ACYP2: variants seen among roughly 807,000 people sequenced by gnomAD.
The protein encoded by ACYP2 is acylphosphatase-2.
A neutral mutation model predicts 11.2 loss-of-function variants in ACYP2; 12 were observed. The observed-to-expected ratio is 1.08, with a 90% CI of 0.69 to 1.74. ACYP2 has a LOEUF of 1.74. Among genes scored for constraint, ACYP2 ranks in the 40% most tolerant of loss-of-function variants. The probability of loss-of-function intolerance (pLI) is 0.00; values close to 1 mark genes in which losing one functional copy is unlikely to be tolerated. For missense variants in ACYP2, 134 were observed against 101.9 expected (o/e 1.31, Z -1.35); for synonymous variants, 43 against 32.2 (o/e 1.33, Z -1.13).
At chr2:53,989,217 C>T (rs1202365019) in intron 2 of ACYP2, among the ~76,000 whole-genome samples, 2 of 151,620 alleles carry the variant, frequency 1.3e-5, no homozygotes, top group Non-Finnish European at 2.9e-5. Context: ...CTACTGTGAG[C>T]CAATACTTAA....
intron 2 of ACYP2, among the ~76,000 whole-genome samples, chr2:54,003,859 C>T (rs917162824): frequency 1.3e-5 from 2 of 152,198 alleles, no homozygotes. Context: ...CTACTAGCAA[C>T]AATGAGAGTT....
intron 6 of ACYP2, among the ~76,000 whole-genome samples, chr2:54,281,177 C>G (rs545521943): frequency 1.3e-5 from 2 of 152,328 alleles, no homozygotes; most frequent in African/African-American, 4.8e-5. Context: ...TACCTTGACT[C>G]AATATCTGAT....
chr2:54,097,749 T>C (rs1020193452), intron 4 of ACYP2, among the ~76,000 whole-genome samples: 1 of 152,102 alleles, frequency 6.6e-6, no homozygotes, highest in Non-Finnish European at 1.5e-5. Flanking sequence ...CATGTTATTT[T>C]AGCTAGAAAT....
intron 6 of ACYP2, among the ~76,000 whole-genome samples, chr2:54,200,408 G>A (rs1684704821): frequency 6.6e-6 from 1 of 152,132 alleles, no homozygotes; most frequent in Non-Finnish European, 1.5e-5. Flanking sequence ...CCCATTGGCA[G>A]TCACTCCCTA....
chr2:54,173,272 T>A, intron 6 of ACYP2, among the ~76,000 whole-genome samples: 1 of 152,272 alleles, frequency 6.6e-6, no homozygotes, highest in African/African-American at 2.4e-5. Context: ...ATTGTGGTTT[T>A]GATTTGCATT....
intron 6 of ACYP2, among the ~76,000 whole-genome samples, chr2:54,212,090 G>A (rs1685350733): frequency 6.6e-6 from 1 of 152,230 alleles, no homozygotes; most frequent in South Asian, 2.1e-4. Flanking sequence ...TATACTAGTA[G>A]TGGTGATGGC....
chr2:54,159,916 G>A (rs1262497593), intron 6 of ACYP2, among the ~76,000 whole-genome samples: 6 of 152,046 alleles, frequency 3.9e-5, no homozygotes, highest in Admixed American at 3.9e-4. Flanking sequence ...TTGTCTCCAC[G>A]CCTTGCTGAT....
intron 4 of ACYP2, among the ~76,000 whole-genome samples, chr2:54,095,463 G>A (rs1196287302): frequency 1.1e-3 from 170 of 152,008 alleles, no homozygotes; most frequent in African/African-American, 3.6e-3. Flanking sequence ...AGGGGCGGCC[G>A]GGCAGAGGCG....
At chr2:54,036,835 G>T (rs1381145405) in intron 2 of ACYP2, among the ~76,000 whole-genome samples, 2 of 152,068 alleles carry the variant, frequency 1.3e-5, no homozygotes, top group Non-Finnish European at 2.9e-5. Flanking sequence ...ACTGTTTCTG[G>T]ACCATATCCT....
chr2:54,090,606 G>A, intron 4 of ACYP2, among the ~76,000 whole-genome samples: 1 of 152,202 alleles, frequency 6.6e-6, no homozygotes, highest in East Asian at 1.9e-4. Flanking sequence ...GCTCCAGTCT[G>A]GGCAACAGAG....
At chr2:54,135,887 C>T (rs980929735) in intron 5 of ACYP2, among the ~76,000 whole-genome samples, 3 of 152,086 alleles carry the variant, frequency 2.0e-5, no homozygotes, top group Admixed American at 6.6e-5. Flanking sequence ...AGCGCCACGT[C>T]GTGTTTTAAA....
At chr2:54,258,266 G>A (rs2104033948) in intron 6 of ACYP2, among the ~76,000 whole-genome samples, 1 of 152,320 alleles carries the variant, frequency 6.6e-6, no homozygotes, top group African/African-American at 2.4e-5. Flanking sequence ...AGGGTGGTCA[G>A]AGGAAGCCTC....
rs1225823577 is a variant in ACYP2, at chr2:54,216,796, C to T, written c.404+78048C>T. Among the ~76,000 whole-genome samples, 9 of 152,344 alleles carry T rather than the reference C, an allele frequency of 5.9e-5. No individual in the cohort carries two copies. In the East Asian group the frequency reaches 1.7e-3, roughly 29 times the overall value. ...AAGTGATCCACCCGCCTTGGCCTTC[C>T]AAAGTGCTGGAATTACAAGCGTGAG... On this transcript the variant is annotated intron_variant, in intron 6 of 6. Coordinates refer to ENST00000607452, the MANE Select transcript of ACYP2 (RefSeq NM_001320586.2).
chr2:54,100,119 T>C (rs905993732), intron 4 of ACYP2, among the ~76,000 whole-genome samples: 1 of 151,650 alleles, frequency 6.6e-6, no homozygotes, highest in Non-Finnish European at 1.5e-5. Flanking sequence ...TAGTCTTCTG[T>C]AGTTTGTGAA....
chr2:54,070,080 G>A (rs1676952765), intron 4 of ACYP2, among the ~76,000 whole-genome samples: 1 of 152,160 alleles, frequency 6.6e-6, no homozygotes, highest in African/African-American at 2.4e-5. Flanking sequence ...AGACCAGCCT[G>A]ACCAACATGG....
intron 4 of ACYP2, among the ~76,000 whole-genome samples, chr2:54,112,206 C>G (rs1036404908): frequency 6.6e-6 from 1 of 152,084 alleles, no homozygotes; most frequent in Non-Finnish European, 1.5e-5. Context: ...AGATCACAAA[C>G]CAATTGTCTT....
chr2:54,220,625 A>G (rs551907709), intron 6 of ACYP2, among the ~76,000 whole-genome samples: 22 of 152,222 alleles, frequency 1.4e-4, no homozygotes, highest in Non-Finnish European at 2.4e-4. Flanking sequence ...ATGGTTTGAC[A>G]TAGTTTGAGT....
At chr2:54,206,553 G>C (rs1350124948) in intron 6 of ACYP2, among the ~76,000 whole-genome samples, 1 of 152,162 alleles carries the variant, frequency 6.6e-6, no homozygotes, top group Non-Finnish European at 1.5e-5. Context: ...TGTACTAAAA[G>C]GCACTTTGAA....
chr2:54,069,085 C>G (rs2103644480), intron 4 of ACYP2, among the ~76,000 whole-genome samples: 1 of 152,012 alleles, frequency 6.6e-6, no homozygotes, highest in African/African-American at 2.4e-5. Context: ...CACCACCACA[C>G]CCAACTAATT....
Sources: gnomAD v4.1 joint callset for allele counts (sites outside exome capture counted in the v4.1 genomes callset) on GRCh38, gnomAD v4.1.1 for gene constraint, MANE v1.5 for transcripts, NCBI Gene and HGNC (gene_info 2026-07-23, HGNC 2026-07-21) for gene names.